Variants in SMIM36 observed in about 807,000 individuals in gnomAD.
The protein encoded by SMIM36 is small integral membrane protein 36.
At chr17:55,479,981 A>G (rs996133613) in intron 1 of SMIM36, among the ~76,000 whole-genome samples, 2 of 152,114 alleles carry the variant, frequency 1.3e-5, no homozygotes, top group African/African-American at 4.8e-5. Flanking sequence ...TTCTTCAGAA[A>G]CATCATCTTT....
At chr17:55,513,027 AC>A (rs1394611382), upstream of SMIM36, among the ~76,000 whole-genome samples, 1 of 152,178 alleles carries the variant, frequency 6.6e-6, no homozygotes, top group Non-Finnish European at 1.5e-5. Flanking sequence ...ATGGTCCTGG[AC>A]TAACTTATGG....
chr17:55,500,726 A>AAGGAATATG (rs1909894971), intron 1 of SMIM36, among the ~76,000 whole-genome samples: 1 of 74,142 alleles, frequency 1.3e-5, no homozygotes, highest in Non-Finnish European at 2.1e-5. Context: ...AAAATTTTTA[A>AAGGAATATG]AAGAACATTC....
intron 3 of SMIM36, among the ~76,000 whole-genome samples, chr17:55,478,196 C>CA (rs962516903): frequency 2.0e-5 from 3 of 147,088 alleles, no homozygotes; most frequent in Non-Finnish European, 4.5e-5. Flanking sequence ...TCCCCCCACC[C>CA]AAAAAAAAAG....
intron 1 of SMIM36, among the ~76,000 whole-genome samples, chr17:55,489,020 G>A (rs1021632226): frequency 2.0e-5 from 3 of 152,086 alleles, no homozygotes; most frequent in African/African-American, 7.2e-5. Context: ...CAACTCTGCG[G>A]TAGATACCAT....
At chr17:55,474,416 C>T (rs62079586) in intron 3 of SMIM36, among the ~76,000 whole-genome samples, 34,196 of 152,070 alleles carry the variant, frequency 0.22, 4,310 homozygotes, top group Non-Finnish European at 0.28. Context: ...CAGAGCAGCA[C>T]GTGGCAGGCC....
intron 1 of SMIM36, among the ~76,000 whole-genome samples, chr17:55,483,394 T>C (rs1909551538): frequency 6.6e-6 from 1 of 152,188 alleles, no homozygotes; most frequent in South Asian, 2.1e-4. Context: ...TACCCAGATA[T>C]TTGGTCAAAC....
At position 55,500,889 on chromosome 17, in the gene SMIM36, ATT is replaced by A. The variant is rs1483011662; in HGVS notation, c.*174+9988_*174+9989del. 1.2e-4 allele frequency among the ~76,000 whole-genome samples: 3 copies of A among 24,824 alleles called. 1 individual carries two copies. The highest frequency in any genetic ancestry group is 3.9e-3 in the South Asian group (2 of 508). The allele number at this position is 24,824 out of a possible 152,430, so 16.3% of individuals were successfully genotyped here. A position where few individuals can be genotyped will look rare whatever the true frequency, so the allele number is the denominator to read the frequency against. ...TAATATATTATATTTTATAATATAT[ATT>A]ATAATATATTATATTATAATATATT... On this transcript the variant is annotated intron_variant, in intron 1 of 4. Transcript: ENST00000636752.
At chr17:55,528,932 A>C in the SMIM36 span, among the ~76,000 whole-genome samples, 1 of 152,242 alleles carries the variant, frequency 6.6e-6, no homozygotes, top group South Asian at 2.1e-4. Context: ...TTGCATATAC[A>C]GAAAAGTAGC....
At chr17:55,520,780 C>T in the SMIM36 span, among the ~76,000 whole-genome samples, 1 of 152,140 alleles carries the variant, frequency 6.6e-6, no homozygotes, top group Non-Finnish European at 1.5e-5. Flanking sequence ...GAAAGTGAAA[C>T]TGTGGATAAG....
chr17:55,519,421 C>G, the SMIM36 span, among the ~76,000 whole-genome samples: 20 of 152,138 alleles, frequency 1.3e-4, no homozygotes, highest in African/African-American at 4.6e-4. Context: ...ATGGTGGTCC[C>G]TGTGTGGTCA....
intron 1 of SMIM36, among the ~76,000 whole-genome samples, chr17:55,497,367 C>T (rs1909828099): frequency 6.6e-6 from 1 of 152,100 alleles, no homozygotes; most frequent in Non-Finnish European, 1.5e-5. Flanking sequence ...CGGGTTCAAG[C>T]GATTCTCCTG....
the SMIM36 span, among the ~76,000 whole-genome samples, chr17:55,530,668 A>G: frequency 6.6e-6 from 1 of 152,112 alleles, no homozygotes; most frequent in Non-Finnish European, 1.5e-5. Flanking sequence ...CTGTAATCCC[A>G]GCTACTCAGG....
At chr17:55,471,028 T>A (rs1909333397) in intron 3 of SMIM36, among the ~76,000 whole-genome samples, 1 of 152,082 alleles carries the variant, frequency 6.6e-6, no homozygotes, top group African/African-American at 2.4e-5. Context: ...TAGTGCCAAA[T>A]CCGTACACCC....
At chr17:55,471,583 T>TA (rs1204087520) in intron 3 of SMIM36, among the ~76,000 whole-genome samples, 2 of 152,212 alleles carry the variant, frequency 1.3e-5, no homozygotes, top group African/African-American at 4.8e-5. Context: ...CAGGCTTTTC[T>TA]ATCCTAACCA....
At chr17:55,485,699 T>C (rs1429374758) in intron 1 of SMIM36, among the ~76,000 whole-genome samples, 2 of 152,244 alleles carry the variant, frequency 1.3e-5, no homozygotes. Context: ...ATATACATTG[T>C]GCTTGCTAAT....
intron 4 of SMIM36, among the ~76,000 whole-genome samples, chr17:55,453,307 G>C (rs886105721): frequency 6.7e-6 from 1 of 149,644 alleles, no homozygotes; most frequent in South Asian, 2.1e-4. Context: ...ACATAAATAA[G>C]TAAGTAAATA....
intron 1 of SMIM36, among the ~76,000 whole-genome samples, chr17:55,493,312 A>G (rs1173913571): frequency 2.0e-5 from 3 of 152,212 alleles, no homozygotes; most frequent in Non-Finnish European, 4.4e-5. Flanking sequence ...GAGTAAGTGA[A>G]GCTAGTGCCT....
the SMIM36 span, among the ~76,000 whole-genome samples, chr17:55,525,052 G>A: frequency 1.3e-5 from 2 of 152,152 alleles, no homozygotes; most frequent in African/African-American, 4.8e-5. Context: ...TTTTTATGTG[G>A]CAGAGCCAAG....
At chr17:55,530,115 G>T in the SMIM36 span, among the ~76,000 whole-genome samples, 1 of 152,196 alleles carries the variant, frequency 6.6e-6, no homozygotes. Flanking sequence ...AAACAACAAA[G>T]CTTTAAAAAT....
Sources: gnomAD v4.1 joint callset for allele counts (sites outside exome capture counted in the v4.1 genomes callset) on GRCh38, gnomAD v4.1.1 for gene constraint, MANE v1.5 for transcripts, NCBI Gene and HGNC (gene_info 2026-07-23, HGNC 2026-07-21) for gene names.